Variants in CFAP221 observed in about 807,000 individuals in gnomAD.
The protein encoded by CFAP221 is cilia and flagella associated protein 221.
CFAP221 carries 97 observed loss-of-function variants against 113.1 expected under a neutral mutation model. That is an observed-to-expected ratio of 0.86 (90% CI 0.73 to 1.02). The LOEUF (loss-of-function observed/expected upper bound fraction) is 1.02. Ranked by LOEUF, CFAP221 falls within the 50% of genes least tolerant of loss-of-function variation. The pLI is 0.00. For synonymous variants in CFAP221, 331 were observed against 354.4 expected, an observed-to-expected ratio of 0.93 and a Z score of 0.74; for missense variants, 1,025 against 1,013.4, an observed-to-expected ratio of 1.01 and a Z score of -0.16.
chr2:119,651,579 T>C (rs771604438), intron 22 of CFAP221, among the ~76,000 whole-genome samples: 3 of 152,218 alleles, frequency 2.0e-5, no homozygotes. Flanking sequence ...TCTTTGCTGT[T>C]GATTTCTATT....
intron 7 of CFAP221, among the ~76,000 whole-genome samples, chr2:119,596,689 A>G (rs189338699): frequency 1.6e-4 from 25 of 152,382 alleles, no homozygotes; most frequent in African/African-American, 5.5e-4. Flanking sequence ...AAAGATTAAA[A>G]TAAGTACTAG....
In CFAP221 at chr2:119,629,925, C is replaced by A; in HGVS notation, c.1701C>A (p.Ile567=). ...CAATTAAGTCTTCAGAAGTTCAAAT[C>A]AAGCAGAGTTATTCCTTCTTCAATC... ...LVPIKSSEVQ[I]KQSYSFFNLQ... Residue 567 remains isoleucine (I), a synonymous_variant, in exon 17 of 24, where the codon ATC becomes ATA. Coordinates refer to ENST00000413369, the MANE Select transcript of CFAP221 (RefSeq NM_001271049.2). The A allele has an allele frequency of 6.2e-7, 1 of 1,613,612 alleles. No individual in the cohort carries two copies. The highest frequency in any genetic ancestry group is 8.5e-7 in the Non-Finnish European group (1 of 1,179,582).
chr2:119,630,593 G>A lies in CFAP221; in HGVS notation c.1755G>A (p.Lys585=), dbSNP rs761412254. The A allele has an allele frequency of 6.2e-7, 1 of 1,612,812 alleles. No homozygotes were observed. Among genetic ancestry groups the A allele is most frequent in the South Asian group, 1.1e-5 (1 of 91,026 alleles). Residue 585 remains lysine, a synonymous_variant, in exon 18 of 24, where the codon AAG becomes AAA. Coordinates refer to ENST00000413369, the MANE Select transcript of CFAP221 (RefSeq NM_001271049.2). The part of the protein sequence containing the change: ...NLQVPQLYKI[K]RYQPFSVHKS... ...AGGTTCCTCAACTGTACAAAATTAA[G>A]AGATATCAGCCATTCTCTGTCCACA...
intron 6 of CFAP221, among the ~76,000 whole-genome samples, chr2:119,571,241 G>A (rs1273565026): frequency 2.2e-5 from 3 of 137,980 alleles, no homozygotes; most frequent in African/African-American, 5.5e-5. Flanking sequence ...CCGGGTTCAA[G>A]TAATTGTCTT....
chr2:119,651,561 A>G (rs1469926189), intron 22 of CFAP221, among the ~76,000 whole-genome samples: 5 of 151,324 alleles, frequency 3.3e-5, no homozygotes, highest in African/African-American at 1.2e-4. Flanking sequence ...TGGGCTTTCT[A>G]GTTGTCTTCT....
chr2:119,561,629 A>C (rs1681250423), intron 5 of CFAP221, among the ~76,000 whole-genome samples: 1 of 152,194 alleles, frequency 6.6e-6, no homozygotes, highest in African/African-American at 2.4e-5. Flanking sequence ...TCTTGCCAAT[A>C]CATTGTTTTC....
chr2:119,658,651 ATCTC>A (rs1222159854), downstream of CFAP221, among the ~76,000 whole-genome samples: 4 of 151,148 alleles, frequency 2.6e-5, no homozygotes, highest in Non-Finnish European at 5.9e-5. Context: ...ACACATTTTC[ATCTC>A]TCTATCTTTA....
intron 13 of CFAP221, among the ~76,000 whole-genome samples, chr2:119,615,128 C>T (rs1047311452): frequency 2.6e-5 from 4 of 152,046 alleles, no homozygotes; most frequent in Non-Finnish European, 4.4e-5. Context: ...TCACTATACC[C>T]GCAGACACTC....
chr2:119,622,422 C>T (rs534993645), intron 14 of CFAP221, among the ~76,000 whole-genome samples: 18 of 152,212 alleles, frequency 1.2e-4, no homozygotes, highest in African/African-American at 4.3e-4. Flanking sequence ...GATTCACAGC[C>T]GAATTATACC....
Position 119,608,509 on chromosome 2 carries a change from C to T in CFAP221, c.1141C>T (p.His381Tyr). 1 of 1,601,676 alleles carries T rather than the reference C, an allele frequency of 6.2e-7. No homozygotes were observed. Residue 381 changes from histidine to tyrosine, a missense_variant, in exon 12 of 24, where the codon CAC becomes TAC. Physicochemically the swap from His to Tyr is moderately conservative, Grantham distance 83 (BLOSUM62 2). Transcript: ENST00000413369. ...EMENHLKWQV[H>Y]LGKDPMSFKL... Reference sequence around the variant, plus strand: ...TTTTTTTTTTCTCCCCAGGCAGGTGCACCTTGGTAAAGATCCTATGTCTTT... The same window carrying T: ...TTTTTTTTTTCTCCCCAGGCAGGTGTACCTTGGTAAAGATCCTATGTCTTT...
intron 7 of CFAP221, among the ~76,000 whole-genome samples, chr2:119,600,775 C>T (rs77646440): frequency 6.6e-6 from 1 of 152,284 alleles, no homozygotes; most frequent in African/African-American, 2.4e-5. Context: ...TCCACCTCTT[C>T]CACCTCTTCT....
At chr2:119,592,712 C>G (rs1172378066) in intron 7 of CFAP221, among the ~76,000 whole-genome samples, 1 of 152,232 alleles carries the variant, frequency 6.6e-6, no homozygotes, top group Non-Finnish European at 1.5e-5. Context: ...TTGACAGTGT[C>G]TCTCTGCTGT....
At chr2:119,598,952 G>T (rs2104654746) in intron 7 of CFAP221, among the ~76,000 whole-genome samples, 1 of 152,202 alleles carries the variant, frequency 6.6e-6, no homozygotes, top group Non-Finnish European at 1.5e-5. Flanking sequence ...TTATTTTAGA[G>T]CCCCGGGTCA....
At chr2:119,628,772 G>T (rs1574179538) in intron 16 of CFAP221, among the ~76,000 whole-genome samples, 1 of 152,206 alleles carries the variant, frequency 6.6e-6, no homozygotes, top group Non-Finnish European at 1.5e-5. Flanking sequence ...TGATAATTGT[G>T]TGACTTAAAA....
Position 119,627,640 on chromosome 2 carries a change from T to C in CFAP221, c.1517-13T>C, listed in dbSNP as rs1686408128. On this transcript the variant is annotated splice_polypyrimidine_tract_variant and intron_variant, in intron 15 of 23. Coordinates refer to ENST00000413369, the MANE Select transcript of CFAP221 (RefSeq NM_001271049.2). ...TTAGTACCCCCTAAAAGTGCCCTTTTTTTCACCCATAGAGGCGAATTTCTT... is the reference window on the plus strand; with the variant it reads ...TTAGTACCCCCTAAAAGTGCCCTTTCTTTCACCCATAGAGGCGAATTTCTT... 1 of 1,612,138 alleles carries C rather than the reference T, an allele frequency of 6.2e-7. No individual in the cohort carries two copies. The highest frequency in any genetic ancestry group is 8.5e-7 in the Non-Finnish European group (1 of 1,179,150).
Position 119,646,965 on chromosome 2 carries a change from T to C in CFAP221, c.2233T>C (p.Ser745Pro). ...TGTGTGGTTTTTCCACAGCTGCGAT[T>C]CCTTCAATTCATTTATGCTTCCGAT... ...SKMETTKSCD[S>P]FNSFMLPIDV... is the part of the protein sequence containing the mutation. Residue 745 changes from serine (S) to proline (P), a missense_variant, in exon 22 of 24, where the codon TCC becomes CCC. Physicochemically the swap from Ser to Pro is moderately conservative, Grantham distance 74 (BLOSUM62 -1). Transcript: ENST00000413369. 1 of 1,613,686 alleles carries C rather than the reference T, an allele frequency of 6.2e-7. No homozygotes were observed. Among genetic ancestry groups the C allele is most frequent in the Non-Finnish European group, 8.5e-7 (1 of 1,179,634 alleles).
At chr2:119,574,952 C>T (rs1446775213) in intron 6 of CFAP221, among the ~76,000 whole-genome samples, 2 of 152,196 alleles carry the variant, frequency 1.3e-5, no homozygotes, top group Admixed American at 1.3e-4. Context: ...GGATTTCTTA[C>T]TCCAGCACCA....
intron 6 of CFAP221, among the ~76,000 whole-genome samples, chr2:119,582,613 G>A (rs1196219598): frequency 1.3e-5 from 2 of 151,984 alleles, no homozygotes; most frequent in Non-Finnish European, 2.9e-5. Context: ...ACGCAACTGT[G>A]CCCAGCTAAT....
rs1205704119 is a variant in CFAP221 at position 119,605,180 on chromosome 2, G to C, written c.1025-1G>C. The C allele has an allele frequency of 6.2e-7, 1 of 1,613,168 alleles. No homozygotes were observed. Among genetic ancestry groups the C allele is most frequent in the Non-Finnish European group, 8.5e-7 (1 of 1,179,176 alleles). On this transcript the variant is annotated splice_acceptor_variant, in intron 10 of 23. Coordinates refer to ENST00000413369, the MANE Select transcript of CFAP221 (RefSeq NM_001271049.2). LOFTEE classifies it high-confidence loss of function. ...TAAACATTGTCTGCTCCTGCCTTCA[G>C]TTTTGGACCAGGGCACTGAAATTTC...
Sources: gnomAD v4.1 joint callset for allele counts (sites outside exome capture counted in the v4.1 genomes callset) on GRCh38, gnomAD v4.1.1 for gene constraint, MANE v1.5 for transcripts, NCBI Gene and HGNC (gene_info 2026-07-23, HGNC 2026-07-21) for gene names.